Variants in LDLRAD3 observed in about 807,000 individuals in gnomAD.
LDLRAD3 encodes the protein low-density lipoprotein receptor class A domain-containing protein 3.
Under a neutral mutation model 29.4 loss-of-function variants are expected in LDLRAD3, and 20 were observed. The ratio of observed to expected loss-of-function variants is 0.68; its 90% CI spans 0.48 to 0.99. The LOEUF (loss-of-function observed/expected upper bound fraction) is 0.99, where lower values mean the gene tolerates loss of function less well. Among genes scored for constraint, LDLRAD3 ranks in the 50% least tolerant of loss-of-function variants. LDLRAD3 has a pLI of 0.00. For synonymous variants in LDLRAD3, 157 were observed against 192.7 expected (o/e 0.81, Z 1.53); for missense variants, 420 against 454.3 (o/e 0.92, Z 0.69).
rs769039968 is a variant in LDLRAD3, at chr11:36,229,447, C to G, written c.*50C>G. 2.6e-5 allele frequency: 34 copies of G among 1,329,202 alleles called. No individual in the cohort carries two copies. The African/African-American group carries it at 4.8e-4, about 19-fold the overall frequency. The allele number at this position is 1,329,202 out of a possible 1,614,324, so 82.3% of individuals were successfully genotyped here. A position where few individuals can be genotyped will look rare whatever the true frequency, so the allele number is the denominator to read the frequency against. The stretch of plus-strand genomic sequence containing the variant: ...TGGGTTAATCTGCTCTGACTTGTTG[C>G]CATTCTAACAATTTGTGCTCATGGG... On this transcript the variant is annotated 3_prime_UTR_variant, in exon 6 of 6. Transcript: ENST00000315571.
intron 4 of LDLRAD3, among the ~76,000 whole-genome samples, chr11:36,176,683 C>G (rs34246740): frequency 6.6e-6 from 1 of 152,104 alleles, no homozygotes; most frequent in East Asian, 1.9e-4. Flanking sequence ...AGAAATCCGC[C>G]GTTAATCTGA....
chr11:36,008,206 G>A (rs1590202667), intron 1 of LDLRAD3, among the ~76,000 whole-genome samples: 3 of 152,214 alleles, frequency 2.0e-5, no homozygotes, highest in African/African-American at 7.2e-5. Context: ...ACTTGGGGAC[G>A]CAAACCAGGC....
chr11:35,960,584 G>GTGTTT (rs146744733), intron 1 of LDLRAD3, among the ~76,000 whole-genome samples: 1,716 of 152,152 alleles, frequency 0.011, 53 homozygotes, highest in East Asian at 0.1. Context: ...GTGACTTGCT[G>GTGTTT]TGTTTTGTTT....
intron 4 of LDLRAD3, 84 bp downstream of exon 4, chr11:36,098,545 C>A: frequency 1.4e-6 from 2 of 1,480,054 alleles, no homozygotes; most frequent in East Asian, 2.3e-5. Flanking sequence ...AAGCAACACC[C>A]ATTCCCATTC....
At chr11:36,112,128 TA>T (rs1458012616) in intron 4 of LDLRAD3, among the ~76,000 whole-genome samples, 1 of 152,226 alleles carries the variant, frequency 6.6e-6, no homozygotes, top group Non-Finnish European at 1.5e-5. Flanking sequence ...AACCACACTT[TA>T]TGAAATGGAT....
chr11:36,128,520 C>T (rs1299632924), intron 4 of LDLRAD3, among the ~76,000 whole-genome samples: 2 of 152,040 alleles, frequency 1.3e-5, no homozygotes, highest in Non-Finnish European at 2.9e-5. Context: ...GTGGGGAGCC[C>T]AAAGGGCAGA....
At chr11:35,978,557 C>G (rs1851502519) in intron 1 of LDLRAD3, among the ~76,000 whole-genome samples, 1 of 152,200 alleles carries the variant, frequency 6.6e-6, no homozygotes, top group Non-Finnish European at 1.5e-5. Flanking sequence ...TTGCTTGGGA[C>G]ATGTGATTCT....
chr11:36,150,342 A>G (rs1854259889), intron 4 of LDLRAD3, among the ~76,000 whole-genome samples: 1 of 152,146 alleles, frequency 6.6e-6, no homozygotes, highest in Non-Finnish European at 1.5e-5. Context: ...AGCCAGGGCA[A>G]CAAAGTGAGA....
At chr11:36,176,738 G>A (rs1423722905) in intron 4 of LDLRAD3, among the ~76,000 whole-genome samples, 1 of 152,136 alleles carries the variant, frequency 6.6e-6, no homozygotes, top group Non-Finnish European at 1.5e-5. Flanking sequence ...CCTCACAGCT[G>A]TTAAGATTAT....
intron 1 of LDLRAD3, among the ~76,000 whole-genome samples, chr11:36,018,151 G>A (rs1852047706): frequency 6.6e-6 from 1 of 152,182 alleles, no homozygotes; most frequent in South Asian, 2.1e-4. Context: ...CTTAAAATGA[G>A]TTAGGTGTTT....
At chr11:36,113,663 A>C (rs1853635707) in intron 4 of LDLRAD3, among the ~76,000 whole-genome samples, 1 of 149,134 alleles carries the variant, frequency 6.7e-6, no homozygotes. Context: ...TAGAAATCAC[A>C]TAGCATCACT....
At position 36,034,168 on chromosome 11, in the gene LDLRAD3, C is replaced by T. The variant is rs937776643; in HGVS notation, c.47-1935C>T. ...CTTTTTTGATTTATTTGAATTTTGA[C>T]TTTATCTTAAGGACACCAGGGAGCC... On this transcript the variant is annotated intron_variant, in intron 1 of 5. Transcript: ENST00000315571. 1.1e-4 allele frequency among the ~76,000 whole-genome samples: 17 copies of T among 152,218 alleles called. No individual in the cohort carries two copies. In the East Asian group the frequency reaches 1.5e-3, roughly 14 times the overall value.
In LDLRAD3 at chr11:36,064,262, T is replaced by A. The variant is rs143255805; in HGVS notation, c.194-17391T>A. 2.3e-4 allele frequency among the ~76,000 whole-genome samples: 35 copies of A among 152,324 alleles called. No individual in the cohort carries two copies. In the East Asian group the frequency reaches 6.7e-3, roughly 29 times the overall value. On this transcript the variant is annotated intron_variant, in intron 2 of 5. Transcript: ENST00000315571. ...TTGATTTTGGTGTATCCACCTTGTC[T>A]CCTGCAACCTTGCTAAACTTGTTCG...
chr11:36,009,269 T>C (rs979218796), intron 1 of LDLRAD3, among the ~76,000 whole-genome samples: 3 of 152,198 alleles, frequency 2.0e-5, no homozygotes, highest in Non-Finnish European at 2.9e-5. Context: ...CCTTTTTTGC[T>C]CTGAGACAGA....
chr11:36,067,702 G>A (rs192525877), intron 2 of LDLRAD3, among the ~76,000 whole-genome samples: 11 of 152,170 alleles, frequency 7.2e-5, no homozygotes, highest in African/African-American at 2.7e-4. Flanking sequence ...ACAGGATCTT[G>A]CTCTGTCACC....
chr11:36,062,464 G>A (rs1852715882), intron 2 of LDLRAD3, among the ~76,000 whole-genome samples: 1 of 152,148 alleles, frequency 6.6e-6, no homozygotes, highest in Non-Finnish European at 1.5e-5. Flanking sequence ...TGCCAAGGAA[G>A]AAGCCTTTAA....
At chr11:36,189,873 C>G (rs1475198132) in intron 4 of LDLRAD3, among the ~76,000 whole-genome samples, 3 of 152,140 alleles carry the variant, frequency 2.0e-5, no homozygotes, top group African/African-American at 7.2e-5. Flanking sequence ...ATGATGACTT[C>G]CAGCTTCATC....
chr11:36,156,974 ATGT>A (rs1435112807), intron 4 of LDLRAD3, among the ~76,000 whole-genome samples: 3 of 152,190 alleles, frequency 2.0e-5, no homozygotes, highest in Non-Finnish European at 2.9e-5. Flanking sequence ...TTTGTTGATG[ATGT>A]TGTTAGTACA....
At chr11:36,021,365 A>T (rs1158706431) in intron 1 of LDLRAD3, among the ~76,000 whole-genome samples, 2 of 152,186 alleles carry the variant, frequency 1.3e-5, no homozygotes, top group Non-Finnish European at 2.9e-5. Flanking sequence ...ATGACTGAGA[A>T]GGAATGATCA....
Sources: allele counts gnomAD v4.1 joint callset (sites outside exome capture counted in the v4.1 genomes callset), GRCh38; gene constraint gnomAD v4.1.1; transcripts MANE v1.5; gene names NCBI Gene and HGNC (gene_info 2026-07-23, HGNC 2026-07-21).